Variants in DCHS2 observed in about 807,000 individuals in gnomAD.
DCHS2 encodes the protein protocadherin-23.
DCHS2 carries 142 observed loss-of-function variants against 182.4 expected under a neutral mutation model. The ratio of observed to expected loss-of-function variants is 0.78; its 90% CI spans 0.68 to 0.89. DCHS2 has a LOEUF of 0.89. Among genes scored for constraint, DCHS2 ranks in the 40% least tolerant of loss-of-function variants. The pLI, the probability that DCHS2 is intolerant of heterozygous loss-of-function variation, is 0.00. For synonymous variants in DCHS2, 1,740 were observed against 1,663.3 expected (o/e 1.05, Z -1.12); for missense variants, 4,319 against 4,198.6 (o/e 1.03, Z -0.79).
intron 1 of DCHS2, among the ~76,000 whole-genome samples, chr4:154,441,555 T>A (rs1260517790): frequency 8.0e-6 from 1 of 125,170 alleles, no homozygotes; most frequent in African/African-American, 2.8e-5. Flanking sequence ...TAAATAAAAG[T>A]TTTTCAGAAA....
At chr4:154,362,023 G>T (rs1730146955) in intron 3 of DCHS2, among the ~76,000 whole-genome samples, 2 of 152,180 alleles carry the variant, frequency 1.3e-5, no homozygotes, top group Admixed American at 6.6e-5. Flanking sequence ...AAGTAGCAAT[G>T]TATAAATGGG....
At chr4:154,341,354 G>A (rs1357300772) in intron 3 of DCHS2, among the ~76,000 whole-genome samples, 1 of 144,644 alleles carries the variant, frequency 6.9e-6, no homozygotes, top group Non-Finnish European at 1.5e-5. Flanking sequence ...GAGAGACAGA[G>A]CGAGACTCTG....
chr4:154,476,585 C>T (rs1735693071), intron 1 of DCHS2, among the ~76,000 whole-genome samples: 1 of 152,198 alleles, frequency 6.6e-6, no homozygotes, highest in African/African-American at 2.4e-5. Context: ...TTTTATGTGG[C>T]TACCATGCAG....
rs1730594779 is a variant in DCHS2, at chr4:154,370,534, A to G, written c.2245-4093T>C. On this transcript the variant is annotated intron_variant, in intron 2 of 19. Transcript: ENST00000357232. Reference sequence around the variant, plus strand: ...TCATCCAAAAGAGCTTGATAAATTAATGATGCAGGAAAAAAGAGAAAATCA... The same window carrying G: ...TCATCCAAAAGAGCTTGATAAATTAGTGATGCAGGAAAAAAGAGAAAATCA... Among the ~76,000 whole-genome samples, 3 of 152,298 alleles carry G rather than the reference A, an allele frequency of 2.0e-5. No individual in the cohort carries two copies. The South Asian group carries it at 6.2e-4, about 32-fold the overall frequency.
At position 154,322,365 on chromosome 4, in the gene DCHS2, G is replaced by T. The variant is rs748205784; in HGVS notation, c.4142C>A (p.Pro1381His). The T allele has an allele frequency of 1.2e-6, 2 of 1,613,544 alleles. No homozygotes were observed. Among genetic ancestry groups the T allele is most frequent in the Non-Finnish European group, 1.7e-6 (2 of 1,179,784 alleles). ...AACAACTGCCTGTCCTTGAAGAGGA[G>T]GCACTCCCTGGTCAGTGGCAATGAC... is the stretch of plus-strand genomic sequence containing the variant. ...MSVIATDQGV[P>H]PLQGQAVVNI... is the part of the protein sequence containing the mutation. The change falls in exon 8 of 20, where the codon CCT (proline) becomes CAT (histidine). Residue 1381 changes from proline to histidine, a missense_variant. By Grantham distance (77) the Pro-to-His change is moderately conservative (BLOSUM62 -2). Coordinates refer to ENST00000357232, the MANE Select transcript of DCHS2 (RefSeq NM_001358235.2).
At chr4:154,393,771 C>T (rs1216511414) in intron 1 of DCHS2, among the ~76,000 whole-genome samples, 1 of 152,292 alleles carries the variant, frequency 6.6e-6, no homozygotes, top group Middle Eastern at 3.4e-3. Context: ...CCACTCCCAA[C>T]AGCATGTCCA....
chr4:154,448,634 A>C (rs1459233042), intron 1 of DCHS2, among the ~76,000 whole-genome samples: 1 of 152,086 alleles, frequency 6.6e-6, no homozygotes, highest in Non-Finnish European at 1.5e-5. Context: ...TGTGACCCCC[A>C]TGCTTAAAAC....
At chr4:154,456,485 C>T (rs746628978) in intron 1 of DCHS2, among the ~76,000 whole-genome samples, 4 of 152,102 alleles carry the variant, frequency 2.6e-5, no homozygotes, top group East Asian at 1.9e-4. Flanking sequence ...AGATATGACA[C>T]GCTGCTGTGA....
At chr4:154,351,852 C>T (rs1185980347) in intron 3 of DCHS2, among the ~76,000 whole-genome samples, 2 of 152,172 alleles carry the variant, frequency 1.3e-5, no homozygotes, top group African/African-American at 4.8e-5. Flanking sequence ...ATTGTGTGGC[C>T]TGGTTCCCAA....
At chr4:154,418,879 A>G (rs1342523201) in intron 1 of DCHS2, among the ~76,000 whole-genome samples, 1 of 152,254 alleles carries the variant, frequency 6.6e-6, no homozygotes, top group South Asian at 2.1e-4. Context: ...GCTTTTGTAC[A>G]TATTTTACAA....
At chr4:154,412,056 A>G (rs1461679420) in intron 1 of DCHS2, among the ~76,000 whole-genome samples, 1 of 152,208 alleles carries the variant, frequency 6.6e-6, no homozygotes, top group Non-Finnish European at 1.5e-5. Flanking sequence ...TCTATGTACT[A>G]ATTTACTGTA....
chr4:154,481,286 G>A (rs1216563556), intron 1 of DCHS2, among the ~76,000 whole-genome samples: 1 of 152,162 alleles, frequency 6.6e-6, no homozygotes, highest in Non-Finnish European at 1.5e-5. Flanking sequence ...ATTGGAGACA[G>A]GGTCTTGCTC....
At chr4:154,341,734 A>G (rs1353837062) in intron 3 of DCHS2, among the ~76,000 whole-genome samples, 1 of 152,040 alleles carries the variant, frequency 6.6e-6, no homozygotes, top group East Asian at 1.9e-4. Context: ...GCTCTAAGTA[A>G]TTTTTCAATA....
At chr4:154,356,650 G>A (rs1239738103) in intron 3 of DCHS2, among the ~76,000 whole-genome samples, 1 of 152,078 alleles carries the variant, frequency 6.6e-6, no homozygotes, top group African/African-American at 2.4e-5. Context: ...TCTTACCATA[G>A]TGAAACAGTT....
chr4:154,363,476 G>T (rs1455254139), intron 3 of DCHS2, among the ~76,000 whole-genome samples: 1 of 152,058 alleles, frequency 6.6e-6, no homozygotes, highest in Non-Finnish European at 1.5e-5. Flanking sequence ...GACAAATACT[G>T]CATGGTCTCA....
intron 3 of DCHS2, among the ~76,000 whole-genome samples, chr4:154,337,220 A>C (rs1435247908): frequency 6.6e-6 from 1 of 152,240 alleles, no homozygotes; most frequent in Admixed American, 6.5e-5. Flanking sequence ...TGTGTACAGA[A>C]GAGAAGAAAA....
intron 16 of DCHS2, among the ~76,000 whole-genome samples, chr4:154,249,853 T>G (rs1448309364): frequency 1.4e-5 from 2 of 147,474 alleles, no homozygotes; most frequent in African/African-American, 5.0e-5. Flanking sequence ...GGAGCATGCA[T>G]GGACATAAAC....
At chr4:154,450,600 A>G (rs1734490901) in intron 1 of DCHS2, among the ~76,000 whole-genome samples, 1 of 152,208 alleles carries the variant, frequency 6.6e-6, no homozygotes, top group Non-Finnish European at 1.5e-5. Context: ...TGGGAGGCCA[A>G]GATGGGTGGA....
At chr4:154,343,215 C>G (rs886433415) in intron 3 of DCHS2, among the ~76,000 whole-genome samples, 16 of 152,072 alleles carry the variant, frequency 1.1e-4, no homozygotes, top group Admixed American at 1.3e-4. Flanking sequence ...TCTGTTGTTC[C>G]TTTTATAAAG....
Sources: gnomAD v4.1 joint callset for allele counts (sites outside exome capture counted in the v4.1 genomes callset) on GRCh38, gnomAD v4.1.1 for gene constraint, MANE v1.5 for transcripts, NCBI Gene and HGNC (gene_info 2026-07-23, HGNC 2026-07-21) for gene names.